SAMD12: variants seen among roughly 807,000 people sequenced by gnomAD.
SAMD12 encodes the protein sterile alpha motif domain containing 12, also known as sterile alpha motif domain-containing protein 12.
SAMD12 carries 9 observed loss-of-function variants against 15.0 expected under a neutral mutation model. The observed-to-expected ratio is 0.60, with a 90% CI of 0.36 to 1.05. SAMD12 has a LOEUF of 1.05. Among genes scored for constraint, SAMD12 ranks in the 50% least tolerant of loss-of-function variants. The pLI is 0.01. For synonymous variants in SAMD12, 86 were observed against 90.1 expected (o/e 0.96, Z 0.25); for missense variants, 230 against 234.2 (o/e 0.98, Z 0.12).
chr8:118,169,349 C>T, the SAMD12 span, among the ~76,000 whole-genome samples: 1 of 152,302 alleles, frequency 6.6e-6, no homozygotes, highest in East Asian at 1.9e-4. Context: ...TTTTAGCACA[C>T]TATTTGTTCT....
intron 1 of SAMD12, among the ~76,000 whole-genome samples, chr8:118,616,227 A>G (rs577337215): frequency 3.9e-5 from 6 of 152,332 alleles, no homozygotes; most frequent in South Asian, 2.1e-4. Context: ...CTTTCATGAC[A>G]TCTGCTCTGT....
chr8:118,583,630 C>T (rs1586835986), intron 1 of SAMD12, among the ~76,000 whole-genome samples: 2 of 152,122 alleles, frequency 1.3e-5, no homozygotes, highest in Non-Finnish European at 1.5e-5. Context: ...CCTCTGATCA[C>T]GGTGGTCCCA....
At chr8:118,251,554 C>T (rs954318794) in intron 4 of SAMD12, among the ~76,000 whole-genome samples, 1 of 152,092 alleles carries the variant, frequency 6.6e-6, no homozygotes, top group Non-Finnish European at 1.5e-5. Flanking sequence ...TGTTTTATCC[C>T]TGACTACTTC....
intron 3 of SAMD12, among the ~76,000 whole-genome samples, chr8:118,383,832 C>T (rs1819801888): frequency 6.6e-6 from 1 of 152,098 alleles, no homozygotes; most frequent in Non-Finnish European, 1.5e-5. Context: ...CCATTATGTA[C>T]CTGCCACTAT....
intron 2 of SAMD12, among the ~76,000 whole-genome samples, chr8:118,504,380 C>T (rs902370969): frequency 3.9e-5 from 6 of 152,144 alleles, no homozygotes; most frequent in Admixed American, 3.9e-4. Flanking sequence ...AAGGGCCTGC[C>T]ACAAGTCAAG....
chr8:118,253,494 T>C (rs1812865319), intron 4 of SAMD12, among the ~76,000 whole-genome samples: 1 of 152,232 alleles, frequency 6.6e-6, no homozygotes, highest in Admixed American at 6.5e-5. Flanking sequence ...GGATATATTA[T>C]AAACTCTTTG....
At chr8:118,516,717 C>T (rs1029266096) in intron 2 of SAMD12, among the ~76,000 whole-genome samples, 8 of 151,174 alleles carry the variant, frequency 5.3e-5, no homozygotes, top group African/African-American at 1.9e-4. Context: ...TGGCTCACTG[C>T]AACCTCCGCC....
At chr8:118,157,957 T>A in the SAMD12 span, among the ~76,000 whole-genome samples, 2 of 152,326 alleles carry the variant, frequency 1.3e-5, no homozygotes, top group East Asian at 3.9e-4. Flanking sequence ...AGCTTACTGA[T>A]TGAAGACAGT....
chr8:118,316,467 C>T (rs746000325), intron 4 of SAMD12, among the ~76,000 whole-genome samples: 2 of 151,666 alleles, frequency 1.3e-5, no homozygotes, highest in African/African-American at 2.4e-5. Context: ...GTCCAGGAGT[C>T]GGAGGTCGCA....
At chr8:118,338,175 G>A (rs1817177009) in intron 4 of SAMD12, among the ~76,000 whole-genome samples, 1 of 152,174 alleles carries the variant, frequency 6.6e-6, no homozygotes, top group South Asian at 2.1e-4. Context: ...TAAGCGTAAT[G>A]TATAACTACT....
chr8:118,186,367 A>G (rs1245625265), downstream of SAMD12, among the ~76,000 whole-genome samples: 1 of 152,230 alleles, frequency 6.6e-6, no homozygotes, highest in Non-Finnish European at 1.5e-5. Flanking sequence ...CAGGAAAAAT[A>G]TCATTCATTT....
chr8:118,205,795 C>T (rs1231871725), intron 4 of SAMD12, among the ~76,000 whole-genome samples: 3 of 152,066 alleles, frequency 2.0e-5, no homozygotes, highest in African/African-American at 7.2e-5. Context: ...GGTCACCTTT[C>T]TCTGGGGAGT....
chr8:118,173,870 T>C, the SAMD12 span, among the ~76,000 whole-genome samples: 1 of 152,148 alleles, frequency 6.6e-6, no homozygotes, highest in East Asian at 1.9e-4. Context: ...CCTCGGGTGA[T>C]CTGCCTGCCT....
chr8:118,560,556 C>T (rs1030687511), intron 2 of SAMD12, among the ~76,000 whole-genome samples: 6 of 152,104 alleles, frequency 3.9e-5, no homozygotes, highest in African/African-American at 9.7e-5. Flanking sequence ...CCTCTTTAGA[C>T]ATGAAAAACT....
intron 2 of SAMD12, among the ~76,000 whole-genome samples, chr8:118,574,155 G>C (rs1827091907): frequency 6.6e-6 from 1 of 152,180 alleles, no homozygotes; most frequent in Non-Finnish European, 1.5e-5. Context: ...GAACATTATA[G>C]GCAGAAGGGA....
intron 4 of SAMD12, among the ~76,000 whole-genome samples, chr8:118,287,057 T>C (rs1207094627): frequency 6.6e-6 from 1 of 152,200 alleles, no homozygotes; most frequent in Non-Finnish European, 1.5e-5. Flanking sequence ...ATATATATTT[T>C]GTGCCTGGAA....
At chr8:118,148,558 C>T in the SAMD12 span, among the ~76,000 whole-genome samples, 2 of 152,016 alleles carry the variant, frequency 1.3e-5, no homozygotes, top group Non-Finnish European at 2.9e-5. Flanking sequence ...ATAAAATTTA[C>T]CCAATTGAAG....
chr8:118,577,695 G>A (rs560575875), intron 2 of SAMD12, among the ~76,000 whole-genome samples: 5 of 152,220 alleles, frequency 3.3e-5, no homozygotes, highest in African/African-American at 9.6e-5. Context: ...CAGAGCTCTC[G>A]CATCCCAGAG....
intron 2 of SAMD12, among the ~76,000 whole-genome samples, chr8:118,573,603 A>G (rs1211667430): frequency 6.6e-6 from 1 of 152,136 alleles, no homozygotes; most frequent in East Asian, 1.9e-4. Context: ...TGAACTTTTG[A>G]AGAGTGAAGG....
Sources: allele counts gnomAD v4.1 joint callset (sites outside exome capture counted in the v4.1 genomes callset), GRCh38; gene constraint gnomAD v4.1.1; transcripts MANE v1.5; gene names NCBI Gene and HGNC (gene_info 2026-07-23, HGNC 2026-07-21).